UBE2D3: variants seen among roughly 807,000 people sequenced by gnomAD.
The protein encoded by UBE2D3 is ubiquitin-conjugating enzyme E2 D3.
In UBE2D3, 2 loss-of-function variants were observed where a neutral mutation model predicts 22.8. The ratio of observed to expected loss-of-function variants is 0.09; its 90% CI spans 0.04 to 0.28. The LOEUF is 0.28. Ranked by LOEUF, UBE2D3 falls within the 10% of genes least tolerant of loss-of-function variation. The probability of loss-of-function intolerance (pLI) is 1.00; values close to 1 mark genes in which losing one functional copy is unlikely to be tolerated. For missense variants in UBE2D3, 27 were observed against 182.5 expected (o/e 0.15, Z 4.91); for synonymous variants, 56 against 60.4 (o/e 0.93, Z 0.34).
chr4:102,867,726 G>C (rs1279626968), intron 1 of UBE2D3, among the ~76,000 whole-genome samples: 2 of 152,132 alleles, frequency 1.3e-5, no homozygotes, highest in African/African-American at 4.8e-5. Context: ...TTAAGCCGGA[G>C]TTAGAGTCTG....
chr4:102,851,994 C>T (rs1732383449), intron 1 of UBE2D3, among the ~76,000 whole-genome samples: 1 of 152,066 alleles, frequency 6.6e-6, no homozygotes. Flanking sequence ...TAGCTGGGTA[C>T]ATTGCTACAT....
intron 1 of UBE2D3, among the ~76,000 whole-genome samples, chr4:102,850,075 C>A (rs999042252): frequency 6.6e-6 from 1 of 152,028 alleles, no homozygotes; most frequent in Admixed American, 6.6e-5. Context: ...TATATTTTAT[C>A]CATTTAATAG....
chr4:102,801,604 A>G, intron 5 of UBE2D3, 45 bp from the exon 6 acceptor site: 1 of 1,455,848 alleles, frequency 6.9e-7, no homozygotes, highest in East Asian at 2.4e-5. Context: ...AAAAACAAAC[A>G]TCTTTTAAAG....
At chr4:102,827,577 T>A, upstream of UBE2D3, 1 of 986,382 alleles carries the variant, frequency 1.0e-6, no homozygotes, top group Non-Finnish European at 1.2e-6. Context: ...GCTCCGCCCC[T>A]CCCCCTCCTC....
intron 2 of UBE2D3, among the ~76,000 whole-genome samples, chr4:102,824,690 G>A (rs886284849): frequency 1.3e-5 from 2 of 152,154 alleles, no homozygotes; most frequent in African/African-American, 2.4e-5. Context: ...AAAATCAGAG[G>A]CCTTCCTTTA....
upstream of UBE2D3, chr4:102,827,871 G>A: frequency 2.0e-6 from 2 of 985,650 alleles, no homozygotes; most frequent in Non-Finnish European, 2.4e-6. Context: ...GACCATGGGA[G>A]GAAGGTAAAG....
intron 1 of UBE2D3, among the ~76,000 whole-genome samples, chr4:102,857,012 C>CTA (rs1732652975): frequency 6.6e-6 from 1 of 152,134 alleles, no homozygotes; most frequent in Non-Finnish European, 1.5e-5. Context: ...ATTGATAGAA[C>CTA]TATACAGCAC....
chr4:102,799,839 G>GA (rs1431142187), intron 6 of UBE2D3, among the ~76,000 whole-genome samples: 5 of 144,808 alleles, frequency 3.5e-5, no homozygotes, highest in Non-Finnish European at 4.6e-5. Flanking sequence ...GGCTGGGGGG[G>GA]GGGGGACTTT....
At chr4:102,828,256 A>T (rs1389597658), upstream of UBE2D3, 2 of 985,324 alleles carry the variant, frequency 2.0e-6, no homozygotes, top group Non-Finnish European at 2.4e-6. Flanking sequence ...GGTGCCAAGG[A>T]TTAATTACCA....
At chr4:102,828,130 A>G, upstream of UBE2D3, 4 of 985,414 alleles carry the variant, frequency 4.1e-6, no homozygotes, top group Non-Finnish European at 4.8e-6. Context: ...CAGGAAAGCA[A>G]CGCCCCTGAA....
chr4:102,811,713 T>C (rs113319109), intron 2 of UBE2D3: 5 of 414,816 alleles, frequency 1.2e-5, no homozygotes, highest in African/African-American at 6.4e-5. Flanking sequence ...AACGTACTCA[T>C]ATACAAAAGA....
intron 4 of UBE2D3, among the ~76,000 whole-genome samples, chr4:102,805,598 G>C (rs1042954460): frequency 6.6e-6 from 1 of 151,358 alleles, no homozygotes; most frequent in East Asian, 1.9e-4. Flanking sequence ...GTAAATTCTC[G>C]GGCCTCAGCC....
Position 102,849,308 on chromosome 4 carries a change from G to A in UBE2D3, c.-129+19407C>T, listed in dbSNP as rs200201245. Among the ~76,000 whole-genome samples the A allele has an allele frequency of 1.4e-4, 21 of 145,614 alleles. 1 individual carries two copies. The East Asian group carries it at 4.2e-3, about 29-fold the overall frequency. The stretch of plus-strand genomic sequence containing the variant: ...GAGCCCAGGAGGTTGAGGCTGCAGT[G>A]AGCCCTGGTTGTGCCACTACACTGC... On this transcript the variant is annotated intron_variant, in intron 1 of 7. Transcript: ENST00000338145.
intron 1 of UBE2D3, among the ~76,000 whole-genome samples, chr4:102,862,950 C>A (rs1732966995): frequency 6.6e-6 from 1 of 152,026 alleles, no homozygotes; most frequent in Admixed American, 6.5e-5. Flanking sequence ...ACACTGAGGG[C>A]AGAAGGCAAG....
At chr4:102,841,479 G>A (rs757048629) in intron 1 of UBE2D3, among the ~76,000 whole-genome samples, 4 of 152,132 alleles carry the variant, frequency 2.6e-5, no homozygotes, top group Non-Finnish European at 4.4e-5. Context: ...TCAAGACTAA[G>A]ATTCAGTATA....
At chr4:102,836,617 G>GT (rs902504555) in intron 1 of UBE2D3, among the ~76,000 whole-genome samples, 2 of 152,256 alleles carry the variant, frequency 1.3e-5, no homozygotes, top group African/African-American at 4.8e-5. Flanking sequence ...TTTCCCAAGT[G>GT]TTTTTTACCA....
intron 1 of UBE2D3, among the ~76,000 whole-genome samples, chr4:102,835,348 A>T (rs1465969099): frequency 6.6e-6 from 1 of 152,242 alleles, no homozygotes; most frequent in Non-Finnish European, 1.5e-5. Context: ...TATAAGTTAT[A>T]TGCAAATATT....
chr4:102,850,110 C>T (rs1332571760), intron 1 of UBE2D3, among the ~76,000 whole-genome samples: 1 of 151,904 alleles, frequency 6.6e-6, no homozygotes, highest in Admixed American at 6.6e-5. Context: ...TATGAACAAA[C>T]GATAAACACC....
At chr4:102,815,233 C>T (rs776163693) in intron 2 of UBE2D3, among the ~76,000 whole-genome samples, 4 of 151,924 alleles carry the variant, frequency 2.6e-5, no homozygotes, top group East Asian at 3.9e-4. Flanking sequence ...TTAGTAGAGA[C>T]GGGGTTTCAC....
Sources: allele counts gnomAD v4.1 joint callset (sites outside exome capture counted in the v4.1 genomes callset), GRCh38; gene constraint gnomAD v4.1.1; transcripts MANE v1.5; gene names NCBI Gene and HGNC (gene_info 2026-07-23, HGNC 2026-07-21).